The following JMJD1C variants were observed in gnomAD, a reference collection of about 807,000 sequenced individuals.
JMJD1C encodes jumonji domain-containing protein 1C.
In JMJD1C, 31 loss-of-function variants were observed where a neutral mutation model predicts 245.3. That is an observed-to-expected ratio of 0.13 (90% CI 0.09 to 0.17). JMJD1C has a LOEUF of 0.17. JMJD1C is among the 10% of genes least tolerant of loss of function. The pLI is 1.00. For missense variants in JMJD1C, 2,691 were observed against 3,000.2 expected (o/e 0.90, Z 2.41); for synonymous variants, 1,057 against 1,017.4 (o/e 1.04, Z -0.74).
intron 21 of JMJD1C, among the ~76,000 whole-genome samples, chr10:63,184,207 G>C (rs1361595391): frequency 2.0e-5 from 3 of 150,724 alleles, no homozygotes; most frequent in African/African-American, 7.3e-5. Context: ...GGGATTACAG[G>C]CATGGGCCAC....
At chr10:63,368,109 G>A (rs1220479765) in intron 2 of JMJD1C, among the ~76,000 whole-genome samples, 1 of 152,200 alleles carries the variant, frequency 6.6e-6, no homozygotes, top group Non-Finnish European at 1.5e-5. Flanking sequence ...ACAGTCCTGT[G>A]TGGAGCACAA....
chr10:63,354,346 T>G (rs904039755), intron 2 of JMJD1C, among the ~76,000 whole-genome samples: 1 of 152,200 alleles, frequency 6.6e-6, no homozygotes, highest in African/African-American at 2.4e-5. Context: ...AATTATTCAT[T>G]TTTATTGTTT....
intron 3 of JMJD1C, among the ~76,000 whole-genome samples, chr10:63,245,776 C>G: frequency 1.3e-5 from 2 of 152,236 alleles, no homozygotes; most frequent in Middle Eastern, 6.8e-3. Flanking sequence ...AGCCACCAGC[C>G]CGGCCGGGAA....
At chr10:63,483,466 A>C (rs1169020812) in intron 1 of JMJD1C, among the ~76,000 whole-genome samples, 1 of 152,202 alleles carries the variant, frequency 6.6e-6, no homozygotes, top group Non-Finnish European at 1.5e-5. Context: ...TCTGCGCATT[A>C]GATTTCAGCA....
chr10:63,427,899 G>T (rs1564909524), intron 1 of JMJD1C: 13 of 741,958 alleles, frequency 1.8e-5, no homozygotes, highest in African/African-American at 5.2e-5. Flanking sequence ...AGAAGGCAAG[G>T]ACCTCACCAG....
intron 2 of JMJD1C, among the ~76,000 whole-genome samples, chr10:63,345,874 C>T (rs1348448985): frequency 6.6e-6 from 1 of 151,862 alleles, no homozygotes. Flanking sequence ...CTAAGTAAAG[C>T]ACGGTCTTTA....
intron 1 of JMJD1C, among the ~76,000 whole-genome samples, chr10:63,483,306 C>T (rs1016914398): frequency 2.0e-5 from 3 of 152,200 alleles, no homozygotes; most frequent in Non-Finnish European, 4.4e-5. Context: ...TACCACAAAA[C>T]ATACCATAAC....
At chr10:63,437,755 C>G (rs1412713764) in intron 1 of JMJD1C, among the ~76,000 whole-genome samples, 1 of 152,188 alleles carries the variant, frequency 6.6e-6, no homozygotes, top group African/African-American at 2.4e-5. Flanking sequence ...AACTGCTGAT[C>G]AAGGTTACCA....
chr10:63,503,659 C>T lies in JMJD1C; in HGVS notation n.113+18079G>A, dbSNP rs530816526. 5.9e-5 allele frequency among the ~76,000 whole-genome samples: 9 copies of T among 152,336 alleles called. No individual in the cohort carries two copies. In the East Asian group the frequency reaches 1.3e-3, roughly 23 times the overall value. On this transcript the variant is annotated intron_variant and non_coding_transcript_variant, in intron 1 of 3. Transcript: ENST00000633035. ...CCTAATAAACTGAGATTGGCTCTCA[C>T]CAGCACGAGCTGAAAAAGCTAAAGT...
At chr10:63,199,179 A>G (rs1226815455) in intron 11 of JMJD1C, among the ~76,000 whole-genome samples, 1 of 152,168 alleles carries the variant, frequency 6.6e-6, no homozygotes, top group Non-Finnish European at 1.5e-5. Context: ...AGACTGACAC[A>G]TTGCTGAAGT....
intron 2 of JMJD1C, among the ~76,000 whole-genome samples, chr10:63,332,193 G>A (rs1262434752): frequency 3.3e-5 from 5 of 152,096 alleles, no homozygotes. Context: ...AGACTTCTAA[G>A]TGGACCTCAA....
At chr10:63,437,937 A>G (rs1951149922) in intron 1 of JMJD1C, among the ~76,000 whole-genome samples, 2 of 152,044 alleles carry the variant, frequency 1.3e-5, no homozygotes, top group Non-Finnish European at 2.9e-5. Context: ...CATATATCTA[A>G]TCTTTAAAAA....
chr10:63,241,452 T>C (rs1306504742), intron 3 of JMJD1C, among the ~76,000 whole-genome samples: 1 of 152,210 alleles, frequency 6.6e-6, no homozygotes, highest in Non-Finnish European at 1.5e-5. Flanking sequence ...TTTAAAATTA[T>C]TTATATAAGG....
In JMJD1C at chr10:63,237,117, A is replaced by G. The variant is rs1189805970; in HGVS notation, c.448-17134T>C. 3.9e-5 allele frequency among the ~76,000 whole-genome samples: 6 copies of G among 152,092 alleles called. No homozygotes were observed. The East Asian group carries it at 1.2e-3, about 29-fold the overall frequency. The stretch of plus-strand genomic sequence containing the variant: ...CAATGGCGCAATCTCGGCCCACTGC[A>G]ACCTCCGCTTCCCAGGTTCAAGTGA... On this transcript the variant is annotated intron_variant, in intron 3 of 25. Coordinates refer to ENST00000399262, the MANE Select transcript of JMJD1C (RefSeq NM_032776.3).
At chr10:63,512,439 T>C (rs2133287836) in intron 1 of JMJD1C, among the ~76,000 whole-genome samples, 1 of 152,330 alleles carries the variant, frequency 6.6e-6, no homozygotes, top group East Asian at 1.9e-4. Context: ...CTTCCTTTAC[T>C]TTGGAAGGGT....
chr10:63,463,475 T>A (rs956480454), intron 1 of JMJD1C, among the ~76,000 whole-genome samples: 4 of 152,196 alleles, frequency 2.6e-5, no homozygotes, highest in African/African-American at 9.6e-5. Context: ...CCTAATTTCA[T>A]GTAACTTAAA....
intron 1 of JMJD1C, among the ~76,000 whole-genome samples, chr10:63,442,825 T>C (rs1951469425): frequency 6.6e-6 from 1 of 151,908 alleles, no homozygotes; most frequent in Non-Finnish European, 1.5e-5. Flanking sequence ...TATTACTACA[T>C]AATCCAATCC....
chr10:63,371,348 TACA>T (rs1445916567), intron 2 of JMJD1C, among the ~76,000 whole-genome samples: 3 of 152,288 alleles, frequency 2.0e-5, no homozygotes, highest in Admixed American at 2.0e-4. Context: ...AAATTTTCTC[TACA>T]TTTTCCTAAA....
intron 2 of JMJD1C, among the ~76,000 whole-genome samples, chr10:63,298,246 G>A (rs182754615): frequency 1.4e-4 from 21 of 152,324 alleles, no homozygotes; most frequent in Admixed American, 1.2e-3. Context: ...CAGCCTGCCA[G>A]GCCAAGTAGG....
Sources: allele counts gnomAD v4.1 joint callset (sites outside exome capture counted in the v4.1 genomes callset), GRCh38; gene constraint gnomAD v4.1.1; transcripts MANE v1.5; gene names NCBI Gene and HGNC (gene_info 2026-07-23, HGNC 2026-07-21).